Variants in LGSN observed in about 807,000 individuals in gnomAD.
LGSN encodes lengsin, lens protein with glutamine synthetase domain.
LGSN carries 21 observed loss-of-function variants against 19.5 expected under a neutral mutation model. That is an observed-to-expected ratio of 1.07 (90% CI 0.76 to 1.55). LGSN has a LOEUF of 1.55. Among genes scored for constraint, LGSN ranks in the 40% most tolerant of loss-of-function variants. The pLI, the probability that LGSN is intolerant of heterozygous loss-of-function variation, is 0.00. For missense variants in LGSN, 673 were observed against 608.5 expected, an observed-to-expected ratio of 1.11 and a Z score of -1.12; for synonymous variants, 257 against 215.6, an observed-to-expected ratio of 1.19 and a Z score of -1.68.
chr6:63,396,552 G>A, the LGSN span: 1 of 155,226 alleles, frequency 6.4e-6, no homozygotes, highest in Admixed American at 6.5e-5. Context: ...TCTGGAGTTT[G>A]GGTACCCTTC....
At chr6:63,546,802 A>G in the LGSN span, among the ~76,000 whole-genome samples, 5 of 152,318 alleles carry the variant, frequency 3.3e-5, no homozygotes, top group Admixed American at 2.6e-4. Context: ...ATAATGTGTT[A>G]CACACCTGAA....
At chr6:63,437,886 C>T in the LGSN span, among the ~76,000 whole-genome samples, 1,345 of 152,202 alleles carry the variant, frequency 8.8e-3, 24 homozygotes, top group African/African-American at 0.031. Flanking sequence ...GTCGAGATCA[C>T]GCCACTGCAT....
At chr6:63,544,036 C>A in the LGSN span, among the ~76,000 whole-genome samples, 2 of 152,098 alleles carry the variant, frequency 1.3e-5, no homozygotes, top group Non-Finnish European at 2.9e-5. Flanking sequence ...TGTAATTCTC[C>A]GCCCCCAACC....
chr6:63,337,414 T>G, the LGSN span, among the ~76,000 whole-genome samples: 1 of 151,284 alleles, frequency 6.6e-6, no homozygotes, highest in African/African-American at 2.4e-5. Flanking sequence ...GAGGTAGAGG[T>G]TACAGTGAGC....
the LGSN span, among the ~76,000 whole-genome samples, chr6:63,341,212 C>T: frequency 6.6e-6 from 1 of 152,144 alleles, no homozygotes; most frequent in African/African-American, 2.4e-5. Flanking sequence ...TCCTCAGGCC[C>T]CTAGATGGCA....
At chr6:63,354,311 C>A in the LGSN span, among the ~76,000 whole-genome samples, 1 of 151,998 alleles carries the variant, frequency 6.6e-6, no homozygotes, top group Non-Finnish European at 1.5e-5. Flanking sequence ...AATAAATAAT[C>A]CCTTTAAAAA....
At chr6:63,367,277 G>A in the LGSN span, among the ~76,000 whole-genome samples, 152,097 of 152,248 alleles carry the variant, frequency 1, 75,973 homozygotes, top group Middle Eastern at 1. Flanking sequence ...AAAAGTGGGT[G>A]AAGGACATGA....
the LGSN span, among the ~76,000 whole-genome samples, chr6:63,327,482 C>A: frequency 6.6e-6 from 1 of 152,210 alleles, no homozygotes; most frequent in Non-Finnish European, 1.5e-5. Flanking sequence ...AAACAACACT[C>A]TTCCCCTAAG....
chr6:63,450,822 G>A, the LGSN span, among the ~76,000 whole-genome samples: 1 of 151,678 alleles, frequency 6.6e-6, no homozygotes, highest in Non-Finnish European at 1.5e-5. Context: ...GCAGGTGCAC[G>A]CCATCACACC....
chr6:63,493,741 G>A, the LGSN span, among the ~76,000 whole-genome samples: 2 of 152,038 alleles, frequency 1.3e-5, no homozygotes, highest in South Asian at 4.2e-4. Flanking sequence ...ACACTTCTAA[G>A]CCCCATGAAT....
chr6:63,438,134 C>T, the LGSN span, among the ~76,000 whole-genome samples: 4 of 151,792 alleles, frequency 2.6e-5, no homozygotes, highest in Admixed American at 6.6e-5. Flanking sequence ...TATTTTTGGC[C>T]AGGTGCGGTG....
the LGSN span, among the ~76,000 whole-genome samples, chr6:63,529,557 C>T: frequency 2.0e-5 from 3 of 152,106 alleles, no homozygotes; most frequent in Non-Finnish European, 4.4e-5. Context: ...TAATTCTCAC[C>T]CCTTTCTTTC....
At chr6:63,446,099 A>G in the LGSN span, among the ~76,000 whole-genome samples, 1 of 152,058 alleles carries the variant, frequency 6.6e-6, no homozygotes, top group Admixed American at 6.5e-5. Flanking sequence ...AAATACAAAA[A>G]TTAGCCGGGC....
chr6:63,454,793 C>CTTTTTTTT, the LGSN span, among the ~76,000 whole-genome samples: 87 of 91,716 alleles, frequency 9.5e-4, 1 homozygote, highest in African/African-American at 2.8e-3. Context: ...TTTTCTTTTT[C>CTTTTTTTT]TTTTTTTTTT....
chr6:63,292,609 A>G (rs1767820307), intron 2 of LGSN, among the ~76,000 whole-genome samples: 1 of 152,160 alleles, frequency 6.6e-6, no homozygotes, highest in Admixed American at 6.5e-5. Context: ...AAGCCCCAGT[A>G]AAGACTCTGG....
At chr6:63,412,440 A>G in the LGSN span, among the ~76,000 whole-genome samples, 20 of 134,972 alleles carry the variant, frequency 1.5e-4, no homozygotes, top group African/African-American at 5.9e-4. Flanking sequence ...GAAAGAAAGA[A>G]AGCAAGAAAG....
chr6:63,288,592 G>T (rs760271525), intron 2 of LGSN, among the ~76,000 whole-genome samples: 1 of 152,172 alleles, frequency 6.6e-6, no homozygotes. Context: ...AGTAGGGTAC[G>T]TGTATTAGTT....
chr6:63,329,527 C>T, the LGSN span, among the ~76,000 whole-genome samples: 454 of 152,320 alleles, frequency 3.0e-3, 3 homozygotes, highest in African/African-American at 0.01. Context: ...AGCCTTGAGC[C>T]TTCAAATGTT....
At chr6:63,283,211 A>G (rs1229528365) in intron 3 of LGSN, among the ~76,000 whole-genome samples, 4 of 152,126 alleles carry the variant, frequency 2.6e-5, no homozygotes, top group Non-Finnish European at 5.9e-5. Flanking sequence ...ACTACTCTCT[A>G]TTAGTTACGG....
Sources: allele counts gnomAD v4.1 joint callset (sites outside exome capture counted in the v4.1 genomes callset), GRCh38; gene constraint gnomAD v4.1.1; transcripts MANE v1.5; gene names NCBI Gene and HGNC (gene_info 2026-07-23, HGNC 2026-07-21).